GRM5: variants seen among roughly 807,000 people sequenced by gnomAD.
The protein encoded by GRM5 is glutamate metabotropic receptor 5.
A neutral mutation model predicts 83.1 loss-of-function variants in GRM5; 19 were observed. The ratio of observed to expected loss-of-function variants is 0.23; its 90% CI spans 0.16 to 0.34. The LOEUF is 0.34. GRM5 is among the 10% of genes least tolerant of loss of function. The pLI is 1.00. For synonymous variants in GRM5, 675 were observed against 633.6 expected, an observed-to-expected ratio of 1.07 and a Z score of -0.98; for missense variants, 1,160 against 1,588.3, an observed-to-expected ratio of 0.73 and a Z score of 4.58.
At chr11:88,814,181 G>A (rs1943631520) in intron 3 of GRM5, among the ~76,000 whole-genome samples, 1 of 152,136 alleles carries the variant, frequency 6.6e-6, no homozygotes, top group African/African-American at 2.4e-5. Flanking sequence ...ATGTAGGAGA[G>A]TAATCCCTGA....
At chr11:88,925,794 A>G (rs1042041212) in intron 2 of GRM5, 1 of 451,244 alleles carries the variant, frequency 2.2e-6, no homozygotes, top group Admixed American at 2.4e-5. Context: ...CTGTAATCCT[A>G]GCTCCTCTGG....
At chr11:88,961,096 C>G (rs978470125) in intron 2 of GRM5, among the ~76,000 whole-genome samples, 1 of 152,058 alleles carries the variant, frequency 6.6e-6, no homozygotes, top group Non-Finnish European at 1.5e-5. Context: ...TTTATAGTTG[C>G]TAGGGGTACT....
At chr11:89,014,571 C>T (rs557860531) in intron 2 of GRM5, among the ~76,000 whole-genome samples, 2 of 151,966 alleles carry the variant, frequency 1.3e-5, no homozygotes, top group South Asian at 4.2e-4. Flanking sequence ...TTAATGGGTA[C>T]AAAAACAAAA....
At chr11:88,893,465 G>A (rs1945181933) in intron 2 of GRM5, among the ~76,000 whole-genome samples, 1 of 151,972 alleles carries the variant, frequency 6.6e-6, no homozygotes, top group Admixed American at 6.6e-5. Flanking sequence ...AAGGATGTTA[G>A]GACAAGTTTA....
chr11:88,668,523 A>T (rs1940110190), intron 3 of GRM5, among the ~76,000 whole-genome samples: 1 of 152,148 alleles, frequency 6.6e-6, no homozygotes, highest in Admixed American at 6.6e-5. Flanking sequence ...TGTAGGCCAA[A>T]CTCTTATAAA....
rs140494695 is a variant in GRM5, at chr11:89,000,169, C to G, written c.661+47043G>C. 2.0e-5 allele frequency among the ~76,000 whole-genome samples: 3 copies of G among 152,168 alleles called. No homozygotes were observed. The East Asian group carries it at 5.8e-4, about 29-fold the overall frequency. Reference sequence around the variant, plus strand: ...GGAGTTAATGGGTGCAGCACACCAACATGGCACATGTATACATATGTAACA... The same window carrying G: ...GGAGTTAATGGGTGCAGCACACCAAGATGGCACATGTATACATATGTAACA... On this transcript the variant is annotated intron_variant, in intron 2 of 9. Transcript: ENST00000305447.
intron 2 of GRM5, among the ~76,000 whole-genome samples, chr11:88,952,615 G>A (rs1938499178): frequency 9.8e-6 from 1 of 101,870 alleles, no homozygotes; most frequent in South Asian, 4.0e-4. Context: ...AAAGGTGAAT[G>A]CAGAAAGAGA....
chr11:89,064,674 G>T (rs946606820), intron 1 of GRM5, among the ~76,000 whole-genome samples: 1 of 151,814 alleles, frequency 6.6e-6, no homozygotes, highest in Non-Finnish European at 1.5e-5. Flanking sequence ...GTACATGAAG[G>T]TTAAGGGGCT....
intron 3 of GRM5, among the ~76,000 whole-genome samples, chr11:88,774,757 G>T (rs12361267): frequency 0.017 from 2,545 of 152,224 alleles, 43 homozygotes; most frequent in East Asian, 0.067. Flanking sequence ...TAGGTTTATT[G>T]CGTATGTTGA....
intron 3 of GRM5, among the ~76,000 whole-genome samples, chr11:88,820,388 A>AAAT (rs1943768462): frequency 6.6e-6 from 1 of 151,354 alleles, no homozygotes; most frequent in Admixed American, 6.6e-5. Flanking sequence ...AAAAAAAAAA[A>AAAT]AAAAAGCCAA....
intron 2 of GRM5, among the ~76,000 whole-genome samples, chr11:88,964,915 G>T (rs1938898483): frequency 6.6e-6 from 1 of 152,080 alleles, no homozygotes; most frequent in African/African-American, 2.4e-5. Flanking sequence ...AGTGCTGAAA[G>T]AAAAACTGTG....
At chr11:88,864,797 TG>T (rs1314469657) in intron 2 of GRM5, among the ~76,000 whole-genome samples, 1 of 152,104 alleles carries the variant, frequency 6.6e-6, no homozygotes, top group Non-Finnish European at 1.5e-5. Context: ...ATATTGGCTG[TG>T]GGTTTCTCAT....
chr11:88,732,704 G>T (rs1941832233), intron 3 of GRM5, among the ~76,000 whole-genome samples: 1 of 152,038 alleles, frequency 6.6e-6, no homozygotes, highest in Admixed American at 6.6e-5. Context: ...AAGATAAAGA[G>T]ACTTCTGATT....
At chr11:88,607,959 T>A (rs554850386) in intron 4 of GRM5, among the ~76,000 whole-genome samples, 1 of 152,370 alleles carries the variant, frequency 6.6e-6, no homozygotes, top group East Asian at 1.9e-4. Context: ...AGGCTCTGTT[T>A]CAGTCTCACC....
intron 3 of GRM5, among the ~76,000 whole-genome samples, chr11:88,729,745 T>G (rs529881250): frequency 1.3e-5 from 2 of 152,258 alleles, no homozygotes; most frequent in South Asian, 4.1e-4. Context: ...ATCTGATCTT[T>G]CTTTGACAAA....
intron 3 of GRM5, among the ~76,000 whole-genome samples, chr11:88,660,574 A>T (rs1939880116): frequency 6.6e-6 from 1 of 152,192 alleles, no homozygotes. Flanking sequence ...ATCTGAATGA[A>T]TATTCCTAGA....
chr11:88,902,950 CAAAAAAAAAAAAAAAA>C (rs201996144), intron 2 of GRM5, among the ~76,000 whole-genome samples: 54 of 61,902 alleles, frequency 8.7e-4, no homozygotes, highest in South Asian at 3.0e-3. Flanking sequence ...GACTCCATCT[CAAAAAAAAAAAAAAAA>C]AAAAAAAAAA....
chr11:88,928,393 T>C (rs529994626), intron 2 of GRM5, among the ~76,000 whole-genome samples: 107 of 152,002 alleles, frequency 7.0e-4, no homozygotes, highest in Middle Eastern at 3.4e-3. Flanking sequence ...TAGTTGTGGG[T>C]CTGTGAATCC....
chr11:88,665,172 C>CACACACACACACACACAT (rs1940009756), intron 3 of GRM5, among the ~76,000 whole-genome samples: 1 of 151,588 alleles, frequency 6.6e-6, no homozygotes, highest in Non-Finnish European at 1.5e-5. Flanking sequence ...TACACACACA[C>CACACACACACACACACAT]ACACACACAC....
Sources: allele counts gnomAD v4.1 joint callset (sites outside exome capture counted in the v4.1 genomes callset), GRCh38; gene constraint gnomAD v4.1.1; transcripts MANE v1.5; gene names NCBI Gene and HGNC (gene_info 2026-07-23, HGNC 2026-07-21).